CLYBL: variants seen among roughly 807,000 people sequenced by gnomAD.
CLYBL encodes citramalyl-CoA lyase, mitochondrial.
CLYBL carries 31 observed loss-of-function variants against 38.9 expected under a neutral mutation model. The observed-to-expected ratio is 0.80, with a 90% CI of 0.60 to 1.08. CLYBL has a LOEUF of 1.08. Among genes scored for constraint, CLYBL ranks in the 50% least tolerant of loss-of-function variants. The probability of loss-of-function intolerance (pLI) is 0.00; values close to 1 mark genes in which losing one functional copy is unlikely to be tolerated. For synonymous variants in CLYBL, 171 were observed against 158.6 expected (o/e 1.08, Z -0.59); for missense variants, 434 against 411.6 (o/e 1.05, Z -0.47).
intron 2 of CLYBL, among the ~76,000 whole-genome samples, chr13:99,815,378 C>T (rs528909815): frequency 2.0e-5 from 3 of 152,032 alleles, no homozygotes; most frequent in South Asian, 2.1e-4. Flanking sequence ...GGCAAAATAG[C>T]GAGACTCCAT....
intron 1 of CLYBL, among the ~76,000 whole-genome samples, chr13:99,682,003 AT>A (rs1420603985): frequency 6.6e-6 from 1 of 152,206 alleles, no homozygotes; most frequent in Non-Finnish European, 1.5e-5. Context: ...CACAGAATGT[AT>A]TTCCACAAAC....
At chr13:99,792,411 G>A (rs2049935767) in intron 2 of CLYBL, among the ~76,000 whole-genome samples, 1 of 152,110 alleles carries the variant, frequency 6.6e-6, no homozygotes, top group African/African-American at 2.4e-5. Flanking sequence ...TGGTTGAGTG[G>A]GGATCAGAGC....
intron 1 of CLYBL, among the ~76,000 whole-genome samples, chr13:99,750,160 A>G (rs77303676): frequency 1.6e-3 from 246 of 152,308 alleles, no homozygotes; most frequent in African/African-American, 5.7e-3. Flanking sequence ...GAACAGAGAA[A>G]GAGGCAGTGA....
intron 1 of CLYBL, among the ~76,000 whole-genome samples, chr13:99,659,304 T>C (rs2047376156): frequency 6.6e-6 from 1 of 152,092 alleles, no homozygotes; most frequent in African/African-American, 2.4e-5. Context: ...GTAGAATCAG[T>C]GATTGCCCTA....
At position 99,833,030 on chromosome 13, in the gene CLYBL, A is replaced by T. The variant is rs868376616; in HGVS notation, c.250-25831A>T. Among the ~76,000 whole-genome samples the T allele has an allele frequency of 5.2e-3, 186 of 35,830 alleles. 5 individuals carry two copies. The highest frequency in any genetic ancestry group is 0.014 in the African/African-American group (96 of 7,106). 23.5% of individuals were successfully genotyped at this position (35,830 alleles called of 152,430 possible). On this transcript the variant is annotated intron_variant, in intron 2 of 8. Transcript: ENST00000339105. ...TACATATATATATATATATATATAT[A>T]TTTTTTTTTTTTTTTTTTTTTTTTT...
intron 2 of CLYBL, among the ~76,000 whole-genome samples, chr13:99,816,962 A>G (rs938622936): frequency 2.0e-5 from 3 of 152,314 alleles, no homozygotes; most frequent in African/African-American, 7.2e-5. Context: ...CCTGCTACCC[A>G]TCAACCATGG....
intron 1 of CLYBL, among the ~76,000 whole-genome samples, chr13:99,609,785 C>T (rs1016106506): frequency 2.0e-5 from 3 of 152,220 alleles, no homozygotes; most frequent in Admixed American, 1.3e-4. Flanking sequence ...ATCTGCCTGC[C>T]TCTGTCGCTC....
chr13:99,716,169 A>AGTTTTTTTTTTTTTTT (rs1361639397), intron 1 of CLYBL, among the ~76,000 whole-genome samples: 2 of 33,434 alleles, frequency 6.0e-5, no homozygotes, highest in African/African-American at 2.0e-4. Flanking sequence ...TATTGGTGTA[A>AGTTTTTTTTTTTTTTT]TTTTTTTTTT....
At chr13:99,828,014 A>G (rs1200713255) in intron 2 of CLYBL, among the ~76,000 whole-genome samples, 1 of 152,192 alleles carries the variant, frequency 6.6e-6, no homozygotes, top group Non-Finnish European at 1.5e-5. Flanking sequence ...CACAGGGAAG[A>G]GTTGAAATGC....
At chr13:99,802,822 A>T (rs1290084801) in intron 2 of CLYBL, among the ~76,000 whole-genome samples, 4 of 152,192 alleles carry the variant, frequency 2.6e-5, no homozygotes, top group Non-Finnish European at 2.9e-5. Context: ...AGACTCAGTT[A>T]TCTTCCTGGC....
chr13:99,624,151 AC>A (rs2046837183), intron 1 of CLYBL, among the ~76,000 whole-genome samples: 1 of 151,732 alleles, frequency 6.6e-6, no homozygotes, highest in South Asian at 2.1e-4. Context: ...CCCTCAGAGC[AC>A]CCCGTTCTTC....
intron 1 of CLYBL, among the ~76,000 whole-genome samples, chr13:99,762,679 A>G (rs2049188606): frequency 6.6e-6 from 1 of 152,248 alleles, no homozygotes; most frequent in South Asian, 2.1e-4. Context: ...TATAAATTTT[A>G]GAACATTTTT....
intron 7 of CLYBL, among the ~76,000 whole-genome samples, chr13:99,886,045 A>G (rs1350229977): frequency 6.6e-6 from 1 of 152,196 alleles, no homozygotes; most frequent in Non-Finnish European, 1.5e-5. Flanking sequence ...AGAAAGACTT[A>G]GCACCATATG....
intron 1 of CLYBL, among the ~76,000 whole-genome samples, chr13:99,724,788 T>C (rs930616183): frequency 4.6e-5 from 7 of 152,200 alleles, no homozygotes; most frequent in African/African-American, 1.7e-4. Flanking sequence ...TTTGTTCTTA[T>C]ATTCAGGAAC....
intron 2 of CLYBL, among the ~76,000 whole-genome samples, chr13:99,825,035 C>T (rs905095551): frequency 2.0e-5 from 3 of 152,164 alleles, no homozygotes; most frequent in Non-Finnish European, 4.4e-5. Context: ...AGAAATGGTA[C>T]CTGGCCGTCT....
intron 2 of CLYBL, among the ~76,000 whole-genome samples, chr13:99,832,410 A>G (rs192983744): frequency 3.9e-5 from 6 of 152,286 alleles, no homozygotes; most frequent in Admixed American, 2.0e-4. Context: ...ATTGAATTCA[A>G]TTCAACAACA....
chr13:99,694,594 C>G (rs565121616), intron 1 of CLYBL, among the ~76,000 whole-genome samples: 8 of 152,282 alleles, frequency 5.3e-5, no homozygotes, highest in African/African-American at 1.9e-4. Context: ...TGTGTTGTAT[C>G]ATGTGGGGTG....
At chr13:99,805,051 AT>A (rs2050204865) in intron 2 of CLYBL, among the ~76,000 whole-genome samples, 1 of 152,092 alleles carries the variant, frequency 6.6e-6, no homozygotes, top group South Asian at 2.1e-4. Flanking sequence ...CACTCCGCCT[AT>A]TGTCTTCAAG....
chr13:99,810,205 G>C (rs144821979), intron 2 of CLYBL, among the ~76,000 whole-genome samples: 8 of 152,232 alleles, frequency 5.3e-5, no homozygotes. Context: ...TCTCCTCTCC[G>C]GGCTTATGGC....
Sources: allele counts gnomAD v4.1 joint callset (sites outside exome capture counted in the v4.1 genomes callset), GRCh38; gene constraint gnomAD v4.1.1; transcripts MANE v1.5; gene names NCBI Gene and HGNC (gene_info 2026-07-23, HGNC 2026-07-21).